FARSA: variants seen among roughly 807,000 people sequenced by gnomAD.
The protein encoded by FARSA is phenylalanyl-tRNA synthetase subunit alpha.
In FARSA, 37 loss-of-function variants were observed where a neutral mutation model predicts 63.2. The observed-to-expected ratio is 0.59, with a 90% confidence interval of 0.45 to 0.77. The LOEUF is 0.77. Among genes scored for constraint, FARSA ranks in the 30% least tolerant of loss-of-function variants. The pLI is 0.00. For synonymous variants in FARSA, 312 were observed against 285.1 expected (o/e 1.09, Z -0.95); for missense variants, 618 against 696.6 (o/e 0.89, Z 1.27).
In FARSA at chr19:12,928,457, C is replaced by T. The variant is rs769824010; in HGVS notation, c.726G>A (p.Gly242=). 6.2e-7 allele frequency: 1 copy of T among 1,614,056 alleles called. No homozygotes were observed. The highest frequency in any genetic ancestry group is 8.5e-7 in the Non-Finnish European group (1 of 1,179,958). ...AGTTATCAGTCGGCATCTCGGTGAA[C>T]CTGGTGGGAGACACAGCCTGACTGC... ...SQFRQIFLEM[G]FTEMPTDNFI... Residue 242 remains glycine (G), a splice_region_variant and synonymous_variant, in exon 7 of 13, where the codon GGG becomes GGA. Transcript: ENST00000314606.
intron 1 of FARSA, 53 bp downstream of exon 1, chr19:12,933,497 A>G: frequency 2.6e-6 from 4 of 1,522,022 alleles, no homozygotes; most frequent in Non-Finnish European, 3.5e-6. Context: ...GCCCGTGGCA[A>G]GGGGACTGTA....
At position 12,922,717 on chromosome 19, in the gene FARSA, G is replaced by A; in HGVS notation, c.*31C>T. The stretch of plus-strand genomic sequence containing the variant: ...AAAGGAGCGCAGCAGCAGGGACTCG[G>A]GGAGGATGACCTGTCCTAGAGTGGC... On this transcript the variant is annotated 3_prime_UTR_variant, in exon 13 of 13. Transcript: ENST00000314606. 1.2e-6 allele frequency: 2 copies of A among 1,611,286 alleles called. No individual in the cohort carries two copies. Among genetic ancestry groups the A allele is most frequent in the Non-Finnish European group, 1.7e-6 (2 of 1,179,824 alleles).
In FARSA at chr19:12,928,475, C is replaced by G. The variant is rs977579767; in HGVS notation, c.726-18G>C. Reference sequence around the variant, plus strand: ...CGGTGAACCTGGTGGGAGACACAGCCTGACTGCCCTGCCTGTACCCAGCAG... The same window carrying G: ...CGGTGAACCTGGTGGGAGACACAGCGTGACTGCCCTGCCTGTACCCAGCAG... On this transcript the variant is annotated intron_variant, in intron 6 of 12. Transcript: ENST00000314606. 1 of 1,613,972 alleles carries G rather than the reference C, an allele frequency of 6.2e-7. No homozygotes were observed. The highest frequency in any genetic ancestry group is 8.5e-7 in the Non-Finnish European group (1 of 1,179,906).
chr19:12,927,704 C>T (rs12151216), intron 7 of FARSA, among the ~76,000 whole-genome samples: 11,964 of 112,142 alleles, frequency 0.11, 700 homozygotes, highest in Middle Eastern at 0.17. Flanking sequence ...TGCACTCTAG[C>T]TTGGGCGACA....
rs1055410715 is a variant in FARSA, at chr19:12,928,799, G to A, written c.552C>T (p.Ser184=). The part of the protein sequence containing the change: ...WVSKGSAFST[S]ISKQETELSP... ...TCAGCTCTGTCTCTTGCTTGGAGAT[G>A]CTGGTACTAAAGGCACTGCCTTTGC... Residue 184 remains serine (S), a synonymous_variant, in exon 5 of 13, where the codon AGC becomes AGT. Transcript: ENST00000314606. 2 of 1,614,098 alleles carry A rather than the reference G, an allele frequency of 1.2e-6. No individual in the cohort carries two copies. The highest frequency in any genetic ancestry group is 1.7e-5 in the Admixed American group (1 of 60,008).
chr19:12,932,744 G>A (rs552625070), intron 1 of FARSA, among the ~76,000 whole-genome samples: 1 of 152,282 alleles, frequency 6.6e-6, no homozygotes, highest in African/African-American at 2.4e-5. Context: ...TGGCCCACGG[G>A]CCCCTCAGCA....
intron 1 of FARSA, chr19:12,933,326 C>G (rs1971415890): frequency 1.8e-6 from 1 of 558,322 alleles, no homozygotes; most frequent in African/African-American, 2.0e-5. Flanking sequence ...TCATCGTACC[C>G]TCTACCCACG....
chr19:12,930,834 T>C, intron 1 of FARSA, 85 bp from the exon 2 acceptor site: 1 of 1,510,186 alleles, frequency 6.6e-7, no homozygotes, highest in Non-Finnish European at 9.1e-7. Context: ...GGTCCCAGGT[T>C]GAAAGCACAG....
At chr19:12,925,202 A>C in intron 7 of FARSA, 28 bp from the exon 8 acceptor site, 1 of 1,536,590 alleles carries the variant, frequency 6.5e-7, no homozygotes, top group Non-Finnish European at 8.8e-7. Flanking sequence ...ACATCAGGTC[A>C]GTCAACGAGC....
rs1971352386 is a variant in FARSA, at chr19:12,928,498, C to T, written c.725+37G>A. On this transcript the variant is annotated intron_variant, in intron 6 of 12. Coordinates refer to ENST00000314606, the MANE Select transcript of FARSA (RefSeq NM_004461.3). ...GCCTGACTGCCCTGCCTGTACCCAG[C>T]AGAAGCACCAGGCACCGCCCCCAGC... 36 of 1,613,784 alleles carry T rather than the reference C, an allele frequency of 2.2e-5. No homozygotes were observed. In the East Asian group the frequency reaches 7.8e-4, roughly 35 times the overall value.
chr19:12,924,129 G>C lies in FARSA; in HGVS notation c.1388+22C>G. ...GTTATTTGAGGCAGCTGGACACCCC[G>C]AGTTTCCACTTGGGCACTTACCGCT... is the stretch of plus-strand genomic sequence containing the variant. On this transcript the variant is annotated intron_variant, in intron 12 of 12. Transcript: ENST00000314606. The surrounding 1 kb of genome is among the most constrained non-coding windows in gnomAD (Gnocchi z 6.4). 2.5e-6 allele frequency: 4 copies of C among 1,590,924 alleles called. No individual in the cohort carries two copies. The highest frequency in any genetic ancestry group is 3.5e-6 in the Non-Finnish European group (4 of 1,158,802).
Position 12,922,774 on chromosome 19 carries a change from G to T in FARSA, c.1501C>A (p.Pro501Thr), listed in dbSNP as rs781403199. 1.2e-6 allele frequency: 2 copies of T among 1,613,982 alleles called. No individual in the cohort carries two copies. The highest frequency in any genetic ancestry group is 1.7e-5 in the Admixed American group (1 of 60,010). ...CACGCAGCCTCCTGTGTGGGAGGGG[G>T]CCTCGGCTCGGCATCCAGGCGGCAC... is the stretch of plus-strand genomic sequence containing the variant. ...PLCRLDAEPRPPPTQEAA is the reference protein window; with the variant it reads ...PLCRLDAEPRTPPTQEAA Residue 501 changes from proline (P) to threonine (T), a missense_variant, in exon 13 of 13, where the codon CCC becomes ACC. Physicochemically the swap from Pro to Thr is conservative, Grantham distance 38. Coordinates refer to ENST00000314606, the MANE Select transcript of FARSA (RefSeq NM_004461.3).
intron 1 of FARSA, chr19:12,933,279 AC>A (rs1239917727): frequency 4.5e-6 from 2 of 439,724 alleles, no homozygotes; most frequent in Non-Finnish European, 7.9e-6. Flanking sequence ...TTACGTCGCA[AC>A]CTGCGTGAGG....
chr19:12,924,198 C>A lies in FARSA; in HGVS notation c.1341G>T (p.Gly447=), dbSNP rs760931073. The part of the protein sequence containing the change: ...VFRPEMLLPM[G]LPENVSVIAW... ...CAATGACCGACACGTTCTCGGGAAG[C>A]CCCATGGGCAGCAGCATCTCTGGAC... Residue 447 remains glycine (G), a synonymous_variant, in exon 12 of 13, where the codon GGG becomes GGT. Coordinates refer to ENST00000314606, the MANE Select transcript of FARSA (RefSeq NM_004461.3). This position sits in a 1 kb window ranked among gnomAD's most constrained non-coding sequence, Gnocchi z 6.4. The A allele has an allele frequency of 1.1e-5, 17 of 1,614,050 alleles. No homozygotes were observed. In the South Asian group the frequency reaches 1.8e-4, roughly 17 times the overall value.
chr19:12,930,669 A>G lies in FARSA; in HGVS notation c.228T>C (p.His76=). ...EGEEIAREGS[H]EARVFRSIPP... is the part of the protein sequence containing the mutation. ...GAATGCTTCGAAACACACGGGCCTCATGGCTGCCCTCCCGGGCAATCTCCT... is the reference window on the plus strand; with the variant it reads ...GAATGCTTCGAAACACACGGGCCTCGTGGCTGCCCTCCCGGGCAATCTCCT... Residue 76 remains histidine (H), a synonymous_variant, in exon 2 of 13, where the codon CAT becomes CAC. Transcript: ENST00000314606. The G allele has an allele frequency of 6.2e-7, 1 of 1,613,908 alleles. No homozygotes were observed. The highest frequency in any genetic ancestry group is 8.5e-7 in the Non-Finnish European group (1 of 1,179,994).
At position 12,930,352 on chromosome 19, in the gene FARSA, A is replaced by G; in HGVS notation, c.385-11T>C. 3.1e-6 allele frequency: 5 copies of G among 1,613,892 alleles called. No individual in the cohort carries two copies. The highest frequency in any genetic ancestry group is 4.2e-6 in the Non-Finnish European group (5 of 1,179,884). ...CTCCATGCTGTCCACCTGCCAGGAT[A>G]AGGAGTGTGAGGGGTATGAGGGCCA... On this transcript the variant is annotated splice_polypyrimidine_tract_variant and intron_variant, in intron 3 of 12. Coordinates refer to ENST00000314606, the MANE Select transcript of FARSA (RefSeq NM_004461.3).
At chr19:12,930,406 C>G in intron 3 of FARSA, 23 bp downstream of exon 3, 1 of 1,613,182 alleles carries the variant, frequency 6.2e-7, no homozygotes, top group Non-Finnish European at 8.5e-7. Context: ...CACCTGCCCC[C>G]TGACCAGCCC....
At position 12,924,007 on chromosome 19, in the gene FARSA, G is replaced by A. The variant is rs1396872766; in HGVS notation, c.1388+144C>T. 1.4e-5 allele frequency: 9 copies of A among 662,652 alleles called. No homozygotes were observed. The highest frequency in any genetic ancestry group is 2.7e-5 in the East Asian group (1 of 37,088). The allele number at this position is 662,652 out of a possible 1,614,324, so 41.0% of individuals were successfully genotyped here. ...ACATAAGCTGTCATGTTCACAGCAC[G>A]GGGCTGAGCATTCAGTTTGTACTCA... On this transcript the variant is annotated intron_variant, in intron 12 of 12. Coordinates refer to ENST00000314606, the MANE Select transcript of FARSA (RefSeq NM_004461.3). This position sits in a 1 kb window ranked among gnomAD's most constrained non-coding sequence, Gnocchi z 6.4.
chr19:12,928,567 G>T lies in FARSA; in HGVS notation c.693C>A (p.Arg231=), dbSNP rs745693248. 57 of 1,613,902 alleles carry T rather than the reference G, an allele frequency of 3.5e-5. No homozygotes were observed. Among genetic ancestry groups the T allele is most frequent in the Non-Finnish European group, 4.5e-5 (53 of 1,179,958 alleles). Residue 231 remains arginine (R), a synonymous_variant, in exon 6 of 13, where the codon CGC becomes CGA. Coordinates refer to ENST00000314606, the MANE Select transcript of FARSA (RefSeq NM_004461.3). ...CCAGGAAGATCTGTCGGAACTGGGA[G>T]CGGACCTTGAGCAGCGGGTGAAGGT... ...SGHLHPLLKV[R]SQFRQIFLEM...
Sources: gnomAD v4.1 joint callset for allele counts (sites outside exome capture counted in the v4.1 genomes callset) on GRCh38, gnomAD v4.1.1 for gene constraint, Gnocchi (gnomAD v3.1) non-coding constraint, MANE v1.5 for transcripts, NCBI Gene and HGNC (gene_info 2026-07-23, HGNC 2026-07-21) for gene names.